Variants in CACNA2D3 observed in about 807,000 individuals in gnomAD.
CACNA2D3 encodes the protein calcium voltage-gated channel auxiliary subunit alpha2delta 3.
Under a neutral mutation model 160.6 loss-of-function variants are expected in CACNA2D3, and 60 were observed. The observed-to-expected ratio is 0.37, with a 90% CI of 0.30 to 0.46. CACNA2D3 has a LOEUF of 0.46. CACNA2D3 is among the 20% of genes least tolerant of loss of function. The pLI, the probability that CACNA2D3 is intolerant of heterozygous loss-of-function variation, is 1.00. For missense variants in CACNA2D3, 1,205 were observed against 1,365.0 expected, an observed-to-expected ratio of 0.88 and a Z score of 1.85; for synonymous variants, 558 against 492.9, an observed-to-expected ratio of 1.13 and a Z score of -1.75.
At chr3:54,530,849 A>G (rs948866692) in intron 5 of CACNA2D3, among the ~76,000 whole-genome samples, 6 of 152,196 alleles carry the variant, frequency 3.9e-5, no homozygotes, top group African/African-American at 1.4e-4. Flanking sequence ...TTGTTGGCTA[A>G]GCTGAAAAAA....
intron 9 of CACNA2D3, among the ~76,000 whole-genome samples, chr3:54,584,366 T>C (rs1702725971): frequency 6.6e-6 from 1 of 152,194 alleles, no homozygotes; most frequent in African/African-American, 2.4e-5. Flanking sequence ...ATGGAAATTA[T>C]TGAACTGAAA....
chr3:54,890,447 GA>G (rs1162957555), intron 24 of CACNA2D3, among the ~76,000 whole-genome samples: 2 of 135,046 alleles, frequency 1.5e-5, no homozygotes, highest in Non-Finnish European at 3.0e-5. Flanking sequence ...AGTGAGCCGA[GA>G]TAGCGCCATT....
At chr3:55,051,050 T>C (rs975300250) in intron 35 of CACNA2D3, among the ~76,000 whole-genome samples, 36 of 151,152 alleles carry the variant, frequency 2.4e-4, no homozygotes, top group African/African-American at 7.6e-4. Context: ...TTGGTTTGAA[T>C]GTCCTCCCGT....
intron 16 of CACNA2D3, among the ~76,000 whole-genome samples, chr3:54,841,016 C>G (rs375835282): frequency 1.3e-5 from 2 of 152,128 alleles, no homozygotes; most frequent in African/African-American, 4.8e-5. Context: ...GCCACCGTGC[C>G]GGGCCCCAAG....
chr3:54,416,243 C>G (rs938319427), intron 4 of CACNA2D3, among the ~76,000 whole-genome samples: 1 of 152,194 alleles, frequency 6.6e-6, no homozygotes, highest in Non-Finnish European at 1.5e-5. Context: ...AGGTCACTTG[C>G]AAAGCTCTGC....
chr3:55,046,208 G>A (rs953144086), intron 35 of CACNA2D3, among the ~76,000 whole-genome samples: 49 of 145,734 alleles, frequency 3.4e-4, no homozygotes, highest in Non-Finnish European at 4.8e-4. Context: ...CCACTAACTC[G>A]TCATCTAGCA....
At chr3:55,072,712 T>A (rs1044552824) in intron 35 of CACNA2D3, among the ~76,000 whole-genome samples, 10 of 152,314 alleles carry the variant, frequency 6.6e-5, no homozygotes, top group African/African-American at 1.9e-4. Context: ...GTGTTTTGTG[T>A]TTGTTAAAGG....
At chr3:54,569,762 T>C in intron 6 of CACNA2D3, 33 bp from the exon 7 acceptor site, 1 of 1,492,600 alleles carries the variant, frequency 6.7e-7, no homozygotes, top group Non-Finnish European at 9.2e-7. Context: ...ATTTGAAGTT[T>C]CTGGGTTTCT....
intron 4 of CACNA2D3, among the ~76,000 whole-genome samples, chr3:54,410,754 C>T (rs1306349088): frequency 6.6e-6 from 1 of 152,302 alleles, no homozygotes; most frequent in Admixed American, 6.5e-5. Context: ...AACATCCGTT[C>T]TACAGTCCAC....
intron 13 of CACNA2D3, among the ~76,000 whole-genome samples, chr3:54,813,225 A>G (rs1703366114): frequency 6.6e-6 from 1 of 152,198 alleles, no homozygotes; most frequent in Non-Finnish European, 1.5e-5. Context: ...GAAGGAACCC[A>G]ATGCTGCCTG....
chr3:54,736,833 C>T (rs1286805338), intron 11 of CACNA2D3, among the ~76,000 whole-genome samples: 3 of 152,110 alleles, frequency 2.0e-5, no homozygotes, highest in Non-Finnish European at 4.4e-5. Flanking sequence ...CTATCATTTG[C>T]CTGCTGTGTG....
intron 27 of CACNA2D3, among the ~76,000 whole-genome samples, chr3:54,963,597 A>G (rs1348605967): frequency 2.0e-5 from 3 of 152,250 alleles, no homozygotes; most frequent in Non-Finnish European, 4.4e-5. Flanking sequence ...ATTCAAGGTC[A>G]GCTGCCTGTC....
Position 54,949,519 on chromosome 3 carries a change from TG to T in CACNA2D3, c.2450-18929del, listed in dbSNP as rs1448856821. Reference sequence around the variant, plus strand: ...TATGAAATAAGCAGGTTGGGTTCAATGGCCCACTCCACCATTCCAGCTCAGA... The same window carrying T: ...TATGAAATAAGCAGGTTGGGTTCAATGCCCACTCCACCATTCCAGCTCAGA... On this transcript the variant is annotated intron_variant, in intron 27 of 37. Coordinates refer to ENST00000474759, the MANE Select transcript of CACNA2D3 (RefSeq NM_018398.3). Among the ~76,000 whole-genome samples the T allele has an allele frequency of 2.3e-4, 35 of 152,186 alleles. 1 individual carries two copies. Among genetic ancestry groups the T allele is most frequent in the Non-Finnish European group, 5.9e-5 (4 of 68,036 alleles).
chr3:54,814,534 G>A (rs1211720457), intron 13 of CACNA2D3, among the ~76,000 whole-genome samples: 1 of 152,228 alleles, frequency 6.6e-6, no homozygotes, highest in East Asian at 1.9e-4. Flanking sequence ...ATCTAAATAT[G>A]TGCTATTCTA....
At chr3:54,907,531 T>C (rs952634282) in intron 27 of CACNA2D3, among the ~76,000 whole-genome samples, 2 of 152,222 alleles carry the variant, frequency 1.3e-5, no homozygotes, top group African/African-American at 4.8e-5. Flanking sequence ...AATCATTAGC[T>C]GCTAAATTAT....
At chr3:54,897,389 G>T (rs1331042721) in intron 26 of CACNA2D3, among the ~76,000 whole-genome samples, 2 of 152,152 alleles carry the variant, frequency 1.3e-5, no homozygotes, top group African/African-American at 4.8e-5. Context: ...AAGAGTTTAT[G>T]ATATGATAGT....
chr3:54,360,955 T>C (rs1322602746), intron 3 of CACNA2D3, among the ~76,000 whole-genome samples: 5 of 151,936 alleles, frequency 3.3e-5, no homozygotes, highest in Non-Finnish European at 5.9e-5. Flanking sequence ...GTTTCAATGG[T>C]GTTAGAGTGT....
chr3:54,910,153 T>C (rs1376605865), intron 27 of CACNA2D3, among the ~76,000 whole-genome samples: 3 of 152,166 alleles, frequency 2.0e-5, no homozygotes, highest in African/African-American at 7.2e-5. Flanking sequence ...TACACAATTA[T>C]ACATGACACA....
chr3:54,260,188 G>A (rs1559899607), intron 2 of CACNA2D3, among the ~76,000 whole-genome samples: 1 of 145,880 alleles, frequency 6.9e-6, no homozygotes, highest in Non-Finnish European at 1.6e-5. Context: ...CTCTTCTACT[G>A]ATCTCTTTTT....
Sources: allele counts gnomAD v4.1 joint callset (sites outside exome capture counted in the v4.1 genomes callset), GRCh38; gene constraint gnomAD v4.1.1; transcripts MANE v1.5; gene names NCBI Gene and HGNC (gene_info 2026-07-23, HGNC 2026-07-21).